Variants in SVIL observed in about 807,000 individuals in gnomAD.
The protein encoded by SVIL is archvillin.
In SVIL, 101 loss-of-function variants were observed where a neutral mutation model predicts 240.4. The observed-to-expected ratio is 0.42, with a 90% confidence interval of 0.36 to 0.50. The LOEUF (loss-of-function observed/expected upper bound fraction) is 0.50, where lower values mean the gene tolerates loss of function less well. SVIL is among the 20% of genes least tolerant of loss of function. The probability of loss-of-function intolerance (pLI) is 0.01; values close to 1 mark genes in which losing one functional copy is unlikely to be tolerated. For missense variants in SVIL, 2,512 were observed against 2,818.7 expected (o/e 0.89, Z 2.46); for synonymous variants, 999 against 1,100.0 (o/e 0.91, Z 1.82).
At chr10:29,529,953 T>C (rs547198246) in intron 11 of SVIL, 109 bp from the exon 12 acceptor site, 6 of 1,206,226 alleles carry the variant, frequency 5.0e-6, no homozygotes, top group South Asian at 1.6e-5. Context: ...GGAAGATTGC[T>C]GGAGGCCAAG....
intron 1 of SVIL, among the ~76,000 whole-genome samples, chr10:29,696,699 G>A (rs1217885140): frequency 6.7e-6 from 1 of 149,172 alleles, no homozygotes; most frequent in Non-Finnish European, 1.5e-5. Context: ...TGAGAAGTGA[G>A]GAGACCCTCC....
chr10:29,633,891 C>T (rs578211157), intron 1 of SVIL, among the ~76,000 whole-genome samples: 6 of 152,144 alleles, frequency 3.9e-5, no homozygotes, highest in Admixed American at 1.3e-4. Context: ...TCTGGAACAT[C>T]GCAAGTTCTA....
intron 1 of SVIL, among the ~76,000 whole-genome samples, chr10:29,632,448 G>A (rs1269752830): frequency 6.7e-6 from 1 of 149,648 alleles, no homozygotes; most frequent in African/African-American, 2.5e-5. Flanking sequence ...CTGAGATTGT[G>A]TCATTGCACT....
Position 29,457,956 on chromosome 10 carries a change from G to T in SVIL, c.*291C>A. The T allele has an allele frequency of 4.3e-6, 1 of 231,606 alleles. No homozygotes were observed. Among genetic ancestry groups the T allele is most frequent in the Non-Finnish European group, 8.2e-6 (1 of 122,202 alleles). 14.3% of individuals were successfully genotyped at this position (231,606 alleles called of 1,614,324 possible). ...AAAAAAAAAAGGCATTGCCTAGCTG[G>T]AACAAGAAGGCAGTGCTATCTATAG... is the stretch of plus-strand genomic sequence containing the variant. On this transcript the variant is annotated 3_prime_UTR_variant, in exon 38 of 38. Coordinates refer to ENST00000355867, the MANE Select transcript of SVIL (RefSeq NM_021738.3).
chr10:29,679,953 C>T lies in SVIL; in HGVS notation c.-301+6600G>A, dbSNP rs183096381. Reference sequence around the variant, plus strand: ...ATCCCAGCACTTTGGGAGGCTGAGGCAGGAGGATTGCTTGAGCCCAGGAGT... The same window carrying T: ...ATCCCAGCACTTTGGGAGGCTGAGGTAGGAGGATTGCTTGAGCCCAGGAGT... On this transcript the variant is annotated intron_variant, in intron 2 of 35. Transcript: ENST00000375400. 8.3e-4 allele frequency among the ~76,000 whole-genome samples: 125 copies of T among 151,438 alleles called. 2 individuals are homozygous for T. In the South Asian group the frequency reaches 0.013, roughly 15 times the overall value.
chr10:29,590,097 C>T (rs1445882084), intron 1 of SVIL, among the ~76,000 whole-genome samples: 5 of 126,608 alleles, frequency 3.9e-5, no homozygotes, highest in South Asian at 5.4e-4. Flanking sequence ...ACCTGGGAGG[C>T]GGAGGTTGCA....
chr10:29,559,986 G>A (rs1564639887), intron 3 of SVIL, among the ~76,000 whole-genome samples: 1 of 152,152 alleles, frequency 6.6e-6, no homozygotes, highest in Non-Finnish European at 1.5e-5. Context: ...AAGGTTTCTG[G>A]TTAAGACATT....
Position 29,681,925 on chromosome 10 carries a change from C to T in SVIL, c.-301+4628G>A, listed in dbSNP as rs141599416. Among the ~76,000 whole-genome samples the T allele has an allele frequency of 5.3e-5, 8 of 152,250 alleles. No individual in the cohort carries two copies. In the East Asian group the frequency reaches 1.2e-3, roughly 22 times the overall value. ...ACCCTGATCAGGAACAGACCTTCTG[C>T]CTCCATGTGACTTACCACACACTTC... is the stretch of plus-strand genomic sequence containing the variant. On this transcript the variant is annotated intron_variant, in intron 2 of 35. Transcript: ENST00000375400.
chr10:29,638,576 G>A (rs1958385323), upstream of SVIL, among the ~76,000 whole-genome samples: 1 of 151,906 alleles, frequency 6.6e-6, no homozygotes, highest in African/African-American at 2.4e-5. Flanking sequence ...TTTGTAAATG[G>A]GTGACTTACT....
intron 1 of SVIL, among the ~76,000 whole-genome samples, chr10:29,573,685 G>T (rs370167010): frequency 4.0e-5 from 6 of 151,446 alleles, no homozygotes; most frequent in African/African-American, 7.3e-5. Context: ...TTTATTTGCA[G>T]AGAAATTCTA....
intron 29 of SVIL, among the ~76,000 whole-genome samples, chr10:29,477,610 G>A (rs1946338922): frequency 6.6e-6 from 1 of 152,228 alleles, no homozygotes; most frequent in African/African-American, 2.4e-5. Context: ...TGATAGGGGA[G>A]CCGGACTAGT....
intron 2 of SVIL, among the ~76,000 whole-genome samples, chr10:29,665,171 G>A (rs1442454019): frequency 1.4e-5 from 2 of 145,354 alleles, no homozygotes; most frequent in Non-Finnish European, 3.0e-5. Context: ...AGGCTGCAGT[G>A]AGCTGTGATT....
Position 29,609,873 on chromosome 10 carries a change from C to A in SVIL, c.-201+24547G>T, listed in dbSNP as rs537996220. 1.2e-3 allele frequency among the ~76,000 whole-genome samples: 185 copies of A among 152,328 alleles called. 1 individual carries two copies. Among genetic ancestry groups the A allele is most frequent in the African/African-American group, 4.4e-3 (181 of 41,582 alleles). ...GCAGGCATGGGATCCAGGCTGGTAGCACAAGCTGAGCACATCTTACTGGGC... is the reference window on the plus strand; with the variant it reads ...GCAGGCATGGGATCCAGGCTGGTAGAACAAGCTGAGCACATCTTACTGGGC... On this transcript the variant is annotated intron_variant, in intron 1 of 37. Transcript: ENST00000355867.
intron 7 of SVIL, among the ~76,000 whole-genome samples, chr10:29,535,648 A>G (rs1198264739): frequency 6.6e-6 from 1 of 152,204 alleles, no homozygotes; most frequent in African/African-American, 2.4e-5. Context: ...GAGTCCAGCT[A>G]TGGAAAGGAG....
chr10:29,630,092 G>GT (rs1286077728), intron 1 of SVIL, among the ~76,000 whole-genome samples: 1 of 152,138 alleles, frequency 6.6e-6, no homozygotes, highest in East Asian at 1.9e-4. Flanking sequence ...TACTCTGACT[G>GT]GTAAAATAGC....
At chr10:29,618,884 CT>C (rs1957525009) in intron 1 of SVIL, among the ~76,000 whole-genome samples, 1 of 152,302 alleles carries the variant, frequency 6.6e-6, no homozygotes, top group South Asian at 2.1e-4. Flanking sequence ...CCGTAGACAG[CT>C]AATTTTCAGC....
intron 6 of SVIL, among the ~76,000 whole-genome samples, chr10:29,545,349 A>T (rs4578281): frequency 2.0e-5 from 3 of 151,818 alleles, no homozygotes; most frequent in African/African-American, 7.3e-5. Context: ...GCTCTCTGGC[A>T]TCCATGGGGA....
At position 29,523,753 on chromosome 10, in the gene SVIL, C is replaced by T. The variant is rs770908408; in HGVS notation, c.2861G>A (p.Arg954Lys). 6.2e-7 allele frequency: 1 copy of T among 1,614,238 alleles called. No individual in the cohort carries two copies. The highest frequency in any genetic ancestry group is 1.1e-5 in the South Asian group (1 of 91,088). ...CCCACTGTCTCGACCTGTCAAAGCTCTCTTGCTTTCTGTCTCTCCATATTC... is the reference window on the plus strand; with the variant it reads ...CCCACTGTCTCGACCTGTCAAAGCTTTCTTGCTTTCTGTCTCTCCATATTC... The part of the protein sequence containing the change: ...LREYGETESK[R>K]ALTGRDSGME... Residue 954 changes from arginine to lysine, a missense_variant, in exon 15 of 38, where the codon AGA becomes AAA. Physicochemically the swap from Arg to Lys is conservative, Grantham distance 26 (BLOSUM62 2). Coordinates refer to ENST00000355867, the MANE Select transcript of SVIL (RefSeq NM_021738.3).
chr10:29,466,585 A>G (rs936964205), intron 33 of SVIL, among the ~76,000 whole-genome samples: 1 of 152,186 alleles, frequency 6.6e-6, no homozygotes, highest in Non-Finnish European at 1.5e-5. Flanking sequence ...TAAGGGAGAA[A>G]AATCAGAAAT....
Sources: gnomAD v4.1 joint callset for allele counts (sites outside exome capture counted in the v4.1 genomes callset) on GRCh38, gnomAD v4.1.1 for gene constraint, MANE v1.5 for transcripts, NCBI Gene and HGNC (gene_info 2026-07-23, HGNC 2026-07-21) for gene names.